GPRC6A: variants seen among roughly 807,000 people sequenced by gnomAD.
The protein encoded by GPRC6A is G protein-coupled receptor class C group 6 member A.
Under a neutral mutation model 47.0 loss-of-function variants are expected in GPRC6A, and 54 were observed. That is an observed-to-expected ratio of 1.15 (90% CI 0.92 to 1.44). The LOEUF is 1.44. Among genes scored for constraint, GPRC6A ranks in the 40% most tolerant of loss-of-function variants. GPRC6A has a pLI of 0.00. For missense variants in GPRC6A, 1,112 were observed against 1,105.5 expected (o/e 1.01, Z -0.08); for synonymous variants, 347 against 377.1 (o/e 0.92, Z 0.93).
intron 4 of GPRC6A, 145 bp downstream of exon 4, chr6:116,800,439 T>C: frequency 7.0e-6 from 2 of 287,216 alleles, no homozygotes; most frequent in South Asian, 4.1e-5. Context: ...TTCAGCTAAA[T>C]AGGAGCTACA....
rs1378560389 is a variant in GPRC6A, at chr6:116,793,006, A to G, written c.1917T>C (p.Cys639=). The change falls in exon 6 of 6, where the codon TGT becomes TGC. Residue 639 remains cysteine (C), a synonymous_variant. Coordinates refer to ENST00000310357, the MANE Select transcript of GPRC6A (RefSeq NM_148963.4). ...GLRVCYVILL[C]HFLNFASTSF... is the part of the protein sequence containing the mutation. ...TCGTGCTGGCAAAATTGAGGAAATG[A>G]CAGAGAAGGATCACATAGCAGACTC... 1 of 1,613,986 alleles carries G rather than the reference A, an allele frequency of 6.2e-7. No individual in the cohort carries two copies. Among genetic ancestry groups the G allele is most frequent in the African/African-American group, 1.3e-5 (1 of 74,908 alleles).
At chr6:116,796,292 A>G (rs1456046042) in intron 4 of GPRC6A, among the ~76,000 whole-genome samples, 1 of 152,056 alleles carries the variant, frequency 6.6e-6, no homozygotes. Context: ...TAAAAAAAAA[A>G]GAAACATTTT....
At chr6:116,818,296 A>G (rs1582474526) in intron 1 of GPRC6A, among the ~76,000 whole-genome samples, 1 of 151,882 alleles carries the variant, frequency 6.6e-6, no homozygotes, top group African/African-American at 2.4e-5. Flanking sequence ...GCACTTTGGG[A>G]GGCCGAGGCG....
rs950711976 is a variant in GPRC6A at position 116,807,055 on chromosome 6, T to C, written c.650A>G (p.Asp217Gly). The change falls in exon 3 of 6, where the codon GAT (aspartate) becomes GGT (glycine). Residue 217 changes from aspartate (D) to glycine (G), a missense_variant. Physicochemically the swap from Asp to Gly is moderately conservative, Grantham distance 94. Coordinates refer to ENST00000310357, the MANE Select transcript of GPRC6A (RefSeq NM_148963.4). ...GWNWIGIITT[D>G]DDYGRLALNT... ...AAGAGCCAATCGTCCATAGTCATCA[T>C]CTGTGGTTATGATGCCAATCCAGTT... The C allele has an allele frequency of 4.3e-6, 7 of 1,613,682 alleles. No individual in the cohort carries two copies. The Middle Eastern group carries it at 4.9e-4, about 114-fold the overall frequency.
Position 116,820,280 on chromosome 6 carries a change from A to C in GPRC6A, c.194+8540T>G, listed in dbSNP as rs1048369481. Among the ~76,000 whole-genome samples the C allele has an allele frequency of 3.1e-3, 475 of 152,318 alleles. 2 individuals are homozygous for C. Among genetic ancestry groups the C allele is most frequent in the African/African-American group, 0.01 (431 of 41,546 alleles). On this transcript the variant is annotated intron_variant, in intron 1 of 5. Transcript: ENST00000310357. ...TCACAGCTGAATTCTAGCAGAGGTAAAAGGAGGAACTGGTACCATTCCTTC... is the reference window on the plus strand; with the variant it reads ...TCACAGCTGAATTCTAGCAGAGGTACAAGGAGGAACTGGTACCATTCCTTC...
At chr6:116,826,271 A>G (rs1301141312) in intron 1 of GPRC6A, among the ~76,000 whole-genome samples, 1 of 151,980 alleles carries the variant, frequency 6.6e-6, no homozygotes, top group Non-Finnish European at 1.5e-5. Flanking sequence ...CTGGGAGAAG[A>G]TATTTGCAGA....
rs553166305 is a variant in GPRC6A, at chr6:116,792,569, G to T, written c.2354C>A (p.Thr785Lys). 16 of 1,611,336 alleles carry T rather than the reference G, an allele frequency of 9.9e-6. No individual in the cohort carries two copies. In the African/African-American group the frequency reaches 2.0e-4, roughly 20 times the overall value. Residue 785 changes from threonine to lysine, a missense_variant, in exon 6 of 6, where the codon ACA becomes AAA. By Grantham distance (78) the Thr-to-Lys change is moderately conservative (BLOSUM62 -1). Coordinates refer to ENST00000310357, the MANE Select transcript of GPRC6A (RefSeq NM_148963.4). ...YENYNEAKFI[T>K]FGMLIYFIAW... ...TATGAAGTAAATGAGCATGCCAAAT[G>T]TAATGAATTTGGCTTCATTGTAATT...
At chr6:116,826,589 T>G (rs1326748383) in intron 1 of GPRC6A, among the ~76,000 whole-genome samples, 2 of 152,062 alleles carry the variant, frequency 1.3e-5, no homozygotes, top group East Asian at 3.9e-4. Flanking sequence ...AGGGAACTCA[T>G]CTACACTATT....
At chr6:116,811,312 A>G (rs897380835) in intron 1 of GPRC6A, among the ~76,000 whole-genome samples, 20 of 152,280 alleles carry the variant, frequency 1.3e-4, no homozygotes, top group African/African-American at 4.8e-4. Context: ...TCCCCCTACA[A>G]AAACAAATTT....
intron 1 of GPRC6A, among the ~76,000 whole-genome samples, chr6:116,816,788 A>G (rs992852132): frequency 2.0e-5 from 3 of 152,208 alleles, no homozygotes; most frequent in Admixed American, 6.5e-5. Flanking sequence ...ACGCACCTGG[A>G]AAATCGGGTC....
chr6:116,824,104 T>C (rs1226984412), intron 1 of GPRC6A, among the ~76,000 whole-genome samples: 2 of 151,964 alleles, frequency 1.3e-5, no homozygotes, highest in Admixed American at 1.3e-4. Flanking sequence ...GCAAAAGCAG[T>C]ACTAAGAAGG....
At chr6:116,809,684 T>G in intron 1 of GPRC6A, 67 bp from the exon 2 acceptor site, 3 of 1,110,402 alleles carry the variant, frequency 2.7e-6, no homozygotes, top group Non-Finnish European at 3.9e-6. Flanking sequence ...TGTATCTCAT[T>G]TTGCCTACAT....
In GPRC6A at chr6:116,792,799, G is replaced by A; in HGVS notation, c.2124C>T (p.Ile708=). 2 of 1,614,074 alleles carry A rather than the reference G, an allele frequency of 1.2e-6. No individual in the cohort carries two copies. Among genetic ancestry groups the A allele is most frequent in the African/African-American group, 2.7e-5 (2 of 75,048 alleles). ...CAACCTGGATGCCCGTGCAAGTGAA[G>A]ATAATAAGGATCGGTCTATAGAGGC... ...LKCLYRPILI[I]FTCTGIQVVI... The change falls in exon 6 of 6, where the codon ATC becomes ATT. Residue 708 remains isoleucine (I), a synonymous_variant. Coordinates refer to ENST00000310357, the MANE Select transcript of GPRC6A (RefSeq NM_148963.4).
At chr6:116,818,655 G>C (rs1773337823) in intron 1 of GPRC6A, among the ~76,000 whole-genome samples, 1 of 145,764 alleles carries the variant, frequency 6.9e-6, no homozygotes, top group Admixed American at 7.0e-5. Context: ...ACAAGCAAAT[G>C]CTGAGAGATT....
At chr6:116,826,024 C>T (rs1773665164) in intron 1 of GPRC6A, among the ~76,000 whole-genome samples, 1 of 151,788 alleles carries the variant, frequency 6.6e-6, no homozygotes, top group Non-Finnish European at 1.5e-5. Context: ...CTTTCCCTCA[C>T]TGTATACAAA....
At chr6:116,813,359 A>T (rs1773091235) in intron 1 of GPRC6A, among the ~76,000 whole-genome samples, 1 of 152,188 alleles carries the variant, frequency 6.6e-6, no homozygotes, top group Non-Finnish European at 1.5e-5. Context: ...TTCAAACTAT[A>T]CTACAAGGCT....
chr6:116,828,163 T>C (rs1414250382), intron 1 of GPRC6A, among the ~76,000 whole-genome samples: 1 of 152,064 alleles, frequency 6.6e-6, no homozygotes, highest in Non-Finnish European at 1.5e-5. Flanking sequence ...AAAACTGAAA[T>C]GAGAATTAGA....
chr6:116,811,688 G>T (rs1452833322), intron 1 of GPRC6A, among the ~76,000 whole-genome samples: 1 of 152,064 alleles, frequency 6.6e-6, no homozygotes. Context: ...CAGAAATTCT[G>T]CAACTGAACA....
intron 1 of GPRC6A, among the ~76,000 whole-genome samples, chr6:116,823,973 T>G (rs750976637): frequency 6.6e-6 from 1 of 152,044 alleles, no homozygotes; most frequent in Non-Finnish European, 1.5e-5. Context: ...ACTGCTCCCA[T>G]GATCCAATCA....
Sources: gnomAD v4.1 joint callset for allele counts (sites outside exome capture counted in the v4.1 genomes callset) on GRCh38, gnomAD v4.1.1 for gene constraint, MANE v1.5 for transcripts, NCBI Gene and HGNC (gene_info 2026-07-23, HGNC 2026-07-21) for gene names.